MTMR1: variants seen among roughly 807,000 people sequenced by gnomAD.
MTMR1 encodes the protein phosphatidylinositol-3-phosphate phosphatase MTMR1.
Under a neutral mutation model 51.6 loss-of-function variants are expected in MTMR1, and 17 were observed. That is an observed-to-expected ratio of 0.33 (90% confidence interval 0.23 to 0.49). The LOEUF is 0.49. Among genes scored for constraint, MTMR1 ranks in the 20% least tolerant of loss-of-function variants. The pLI, the probability that MTMR1 is intolerant of heterozygous loss-of-function variation, is 0.99. For missense variants in MTMR1, 386 were observed against 526.9 expected, an observed-to-expected ratio of 0.73 and a Z score of 2.62; for synonymous variants, 201 against 205.6, an observed-to-expected ratio of 0.98 and a Z score of 0.19.
chrX:150,700,958 T>G (rs919668544), intron 2 of MTMR1, among the ~76,000 whole-genome samples: 1 of 112,494 alleles, frequency 8.9e-6, no homozygotes, highest in African/African-American at 3.2e-5. Context: ...TATTTACAAA[T>G]TTTGTGTAGC....
At chrX:150,750,897 C>T (rs2042709061) in intron 14 of MTMR1, 54 bp downstream of exon 14, 1 of 1,048,616 alleles carries the variant, frequency 9.5e-7, no homozygotes, top group Non-Finnish European at 1.3e-6. Flanking sequence ...GGCACCTCTC[C>T]TCGGAAGTGC....
chrX:150,709,852 A>G (rs1474432142), intron 2 of MTMR1, among the ~76,000 whole-genome samples: 1 of 112,319 alleles, frequency 8.9e-6, no homozygotes, highest in Non-Finnish European at 1.9e-5. Context: ...CACCTCCAAC[A>G]CTGGGGATTA....
In MTMR1 at chrX:150,696,642, G is replaced by A. The variant is rs782096975; in HGVS notation, c.147-2553G>A. Among the ~76,000 whole-genome samples the A allele has an allele frequency of 8.1e-5, 9 of 111,747 alleles. No homozygotes were observed. The South Asian group carries it at 3.4e-3, about 42-fold the overall frequency. The stretch of plus-strand genomic sequence containing the variant: ...TGGCTCACAGAACTGCTCCAGACAG[G>A]AGGAGAGATGGCCACAGGCACAGTT... On this transcript the variant is annotated intron_variant, in intron 1 of 15. Coordinates refer to ENST00000445323, the MANE Select transcript of MTMR1 (RefSeq NM_001306144.3).
intron 15 of MTMR1, among the ~76,000 whole-genome samples, chrX:150,760,354 G>A (rs986689686): frequency 8.6e-4 from 85 of 98,965 alleles, no homozygotes; most frequent in African/African-American, 2.8e-3. Context: ...CAGGGCAGAT[G>A]CAAGCCTGTT....
At chrX:150,709,098 C>T (rs2041220813) in intron 2 of MTMR1, among the ~76,000 whole-genome samples, 1 of 112,341 alleles carries the variant, frequency 8.9e-6, no homozygotes, top group South Asian at 3.7e-4. Flanking sequence ...TGTGTCGAAA[C>T]TGAGGCCCAG....
chrX:150,704,359 C>G (rs2041020008), intron 2 of MTMR1, among the ~76,000 whole-genome samples: 1 of 111,757 alleles, frequency 8.9e-6, no homozygotes, highest in Non-Finnish European at 1.9e-5. Context: ...AATTATGACC[C>G]CACACCCACC....
At chrX:150,710,552 G>T (rs1208197647) in intron 2 of MTMR1, among the ~76,000 whole-genome samples, 2 of 110,862 alleles carry the variant, frequency 1.8e-5, no homozygotes, top group Non-Finnish European at 3.8e-5. Context: ...AGTAGAGACG[G>T]GTTTCACCAT....
At chrX:150,695,948 A>C (rs782236468) in intron 1 of MTMR1, among the ~76,000 whole-genome samples, 220 of 111,399 alleles carry the variant, frequency 2.0e-3, no homozygotes, top group African/African-American at 6.4e-3. Flanking sequence ...TGCCGGGTGG[A>C]CTCCAAGGCA....
At chrX:150,714,066 T>A (rs1244227704) in intron 3 of MTMR1, among the ~76,000 whole-genome samples, 1 of 112,738 alleles carries the variant, frequency 8.9e-6, no homozygotes, top group Non-Finnish European at 1.9e-5. Flanking sequence ...TGCCTTTGTA[T>A]TTTGGCTTGA....
intron 10 of MTMR1, among the ~76,000 whole-genome samples, chrX:150,734,158 A>G (rs2042197852): frequency 8.9e-6 from 1 of 112,380 alleles, no homozygotes; most frequent in African/African-American, 3.2e-5. Context: ...CCGTCATCAC[A>G]TGACCCTCTC....
chrX:150,735,953 G>C (rs911380080), intron 10 of MTMR1: 1 of 117,226 alleles, frequency 8.5e-6, no homozygotes, highest in African/African-American at 3.2e-5. Flanking sequence ...CTCCACCCAC[G>C]GGTCCTTTCC....
upstream of MTMR1, chrX:150,693,385 G>T: frequency 1.4e-6 from 1 of 718,748 alleles, no homozygotes; most frequent in Non-Finnish European, 1.6e-6. Flanking sequence ...GGTAACGCGG[G>T]GCCGCCAGGT....
intron 2 of MTMR1, among the ~76,000 whole-genome samples, chrX:150,700,526 C>T (rs782424674): frequency 1.8e-5 from 2 of 112,417 alleles, no homozygotes; most frequent in South Asian, 3.7e-4. Flanking sequence ...CATGTTTGCC[C>T]ATAAAAGAGC....
At chrX:150,740,254 C>G (rs2042386554) in intron 12 of MTMR1, among the ~76,000 whole-genome samples, 1 of 111,795 alleles carries the variant, frequency 8.9e-6, no homozygotes, top group South Asian at 3.7e-4. Context: ...GCACTTCAGC[C>G]AGGGTTCCTT....
At chrX:150,739,227 G>GCC (rs2067808715) in intron 12 of MTMR1, among the ~76,000 whole-genome samples, 1 of 112,919 alleles carries the variant, frequency 8.9e-6, no homozygotes, top group African/African-American at 3.2e-5. Flanking sequence ...CTGGGCATGT[G>GCC]CCTTCCCCTC....
chrX:150,697,798 A>G (rs1294906918), intron 1 of MTMR1, among the ~76,000 whole-genome samples: 1 of 111,799 alleles, frequency 8.9e-6, no homozygotes, highest in African/African-American at 3.3e-5. Context: ...TTTTCTTTGC[A>G]TTGCTGTGTT....
intron 10 of MTMR1, 32 bp from the exon 11 acceptor site, chrX:150,736,563 A>G (rs782492117): frequency 8.5e-7 from 1 of 1,175,457 alleles, no homozygotes; most frequent in Non-Finnish European, 1.1e-6. Flanking sequence ...TTAATTCCAG[A>G]TAATGTGATG....
At position 150,719,348 on chromosome X, in the gene MTMR1, G is replaced by A. The variant is rs1411127374; in HGVS notation, c.352+648G>A. On this transcript the variant is annotated intron_variant, in intron 4 of 15. Coordinates refer to ENST00000445323, the MANE Select transcript of MTMR1 (RefSeq NM_001306144.3). ...CATCATGGCTTTCTCCCAAAGAGGC[G>A]CACTCAGTCTCAGAGTATAGTCATC... Among the ~76,000 whole-genome samples the A allele has an allele frequency of 2.7e-5, 3 of 111,787 alleles. No homozygotes were observed. In the East Asian group the frequency reaches 8.5e-4, roughly 32 times the overall value.
At chrX:150,696,491 C>T (rs781869870) in intron 1 of MTMR1, among the ~76,000 whole-genome samples, 1 of 111,909 alleles carries the variant, frequency 8.9e-6, no homozygotes, top group South Asian at 3.7e-4. Context: ...AAGCAGGACT[C>T]ATGTCCAGGC....
Sources: allele counts gnomAD v4.1 joint callset (sites outside exome capture counted in the v4.1 genomes callset), GRCh38; gene constraint gnomAD v4.1.1; transcripts MANE v1.5; gene names NCBI Gene and HGNC (gene_info 2026-07-23, HGNC 2026-07-21).